Variants in PCNX1 observed in about 807,000 individuals in gnomAD.
PCNX1 encodes the protein pecanex 1.
A neutral mutation model predicts 242.2 loss-of-function variants in PCNX1; 78 were observed. That is an observed-to-expected ratio of 0.32 (90% CI 0.27 to 0.39). The LOEUF (loss-of-function observed/expected upper bound fraction) is 0.39. PCNX1 is among the 10% of genes least tolerant of loss of function. The probability of loss-of-function intolerance (pLI) is 1.00; values close to 1 mark genes in which losing one functional copy is unlikely to be tolerated. For missense variants in PCNX1, 2,581 were observed against 2,856.5 expected (o/e 0.90, Z 2.20); for synonymous variants, 1,024 against 1,032.9 (o/e 0.99, Z 0.17).
At chr14:70,920,931 A>G (rs2810071) in intron 1 of PCNX1, among the ~76,000 whole-genome samples, 94,106 of 151,922 alleles carry the variant, frequency 0.62, 29,431 homozygotes, top group South Asian at 0.71. Context: ...TTGTGCTGGA[A>G]TAGTGTTTCC....
intron 12 of PCNX1, among the ~76,000 whole-genome samples, chr14:71,021,245 C>T (rs972342855): frequency 2.6e-5 from 4 of 152,068 alleles, no homozygotes; most frequent in African/African-American, 4.8e-5. Context: ...GCTATGTGGG[C>T]TCTTTTTTGG....
intron 30 of PCNX1, among the ~76,000 whole-genome samples, chr14:71,094,802 C>T (rs1309296225): frequency 6.6e-6 from 1 of 152,160 alleles, no homozygotes; most frequent in African/African-American, 2.4e-5. Flanking sequence ...CAAGGTATCG[C>T]ATGCCTTTAG....
intron 28 of PCNX1, among the ~76,000 whole-genome samples, chr14:71,083,333 G>A (rs1465167025): frequency 1.3e-5 from 2 of 151,982 alleles, no homozygotes; most frequent in Non-Finnish European, 2.9e-5. Context: ...ATGTGTCTTG[G>A]GGTTGCTCTT....
At chr14:71,084,478 C>G (rs1268274320) in intron 28 of PCNX1, among the ~76,000 whole-genome samples, 1 of 152,156 alleles carries the variant, frequency 6.6e-6, no homozygotes, top group Non-Finnish European at 1.5e-5. Context: ...GTGCTCTGTC[C>G]CAGGGAGATG....
intron 28 of PCNX1, among the ~76,000 whole-genome samples, chr14:71,086,047 C>G (rs952672833): frequency 6.6e-6 from 1 of 152,094 alleles, no homozygotes; most frequent in Non-Finnish European, 1.5e-5. Context: ...CATAGTTTCT[C>G]TTGCTAAGTT....
At chr14:70,938,390 C>T (rs1320496986) in intron 1 of PCNX1, among the ~76,000 whole-genome samples, 1 of 151,598 alleles carries the variant, frequency 6.6e-6, no homozygotes, top group Non-Finnish European at 1.5e-5. Flanking sequence ...TTGAGATAAT[C>T]GTGGTTTTTG....
At chr14:70,913,286 TGGAGGTGGA>T (rs2056005201) in intron 1 of PCNX1, among the ~76,000 whole-genome samples, 1 of 152,196 alleles carries the variant, frequency 6.6e-6, no homozygotes, top group African/African-American at 2.4e-5. Context: ...GTAGAATAGT[TGGAGGTGGA>T]GGGAGGATTG....
chr14:71,021,204 A>C (rs1229676944), intron 12 of PCNX1, among the ~76,000 whole-genome samples: 1 of 152,112 alleles, frequency 6.6e-6, no homozygotes, highest in African/African-American at 2.4e-5. Context: ...TGATGCCTCC[A>C]GCTTTATTTT....
chr14:70,924,975 A>G (rs1433622596), intron 1 of PCNX1, among the ~76,000 whole-genome samples: 2 of 149,736 alleles, frequency 1.3e-5, no homozygotes, highest in African/African-American at 4.9e-5. Flanking sequence ...AACAGTTTTC[A>G]CATCTGGTTT....
At chr14:71,018,863 T>C in intron 11 of PCNX1, 146 bp from the exon 12 acceptor site, 2 of 554,286 alleles carry the variant, frequency 3.6e-6, no homozygotes, top group Non-Finnish European at 6.1e-6. Context: ...GTTTTCAGTA[T>C]GATCTAAAAC....
At chr14:70,972,420 A>G (rs1431550203) in intron 5 of PCNX1, among the ~76,000 whole-genome samples, 2 of 152,218 alleles carry the variant, frequency 1.3e-5, no homozygotes. Flanking sequence ...AAAAACAACA[A>G]CAAAAATCAG....
At chr14:70,979,557 G>A (rs1405564173) in intron 6 of PCNX1, among the ~76,000 whole-genome samples, 3 of 151,890 alleles carry the variant, frequency 2.0e-5, no homozygotes, top group Admixed American at 2.0e-4. Flanking sequence ...AGCATTTTTA[G>A]CCTCTACCCC....
intron 1 of PCNX1, among the ~76,000 whole-genome samples, chr14:70,911,584 A>T (rs2055910932): frequency 6.6e-6 from 1 of 151,992 alleles, no homozygotes; most frequent in Non-Finnish European, 1.5e-5. Context: ...GGTGAGTGGC[A>T]TTTTTGTATG....
intron 30 of PCNX1, among the ~76,000 whole-genome samples, chr14:71,100,805 T>C (rs1006071428): frequency 1.3e-5 from 2 of 152,192 alleles, no homozygotes; most frequent in Non-Finnish European, 2.9e-5. Context: ...CTTTTTTCTT[T>C]ATTTTGTCTG....
In PCNX1 at chr14:71,105,260, T is replaced by G; in HGVS notation, c.6121T>G (p.Cys2041Gly). ...HRLRKGCGAGCNSGGNIEDSD... is the reference protein window; with the variant it reads ...HRLRKGCGAGGNSGGNIEDSD... ...GCTTAGGAAAGGTTGCGGAGCTGGA[T>G]GTAACAGTGGTGGCAATATTGAAGA... Residue 2041 changes from cysteine (C) to glycine (G), a missense_variant, in exon 33 of 36, where the codon TGT becomes GGT. By Grantham distance (159) the Cys-to-Gly change is radical. Around this residue, in one of 9 missense-constraint regions of PCNX1, gnomAD observed 432 missense variants for 433.6 expected, o/e 1.00. Coordinates refer to ENST00000304743, the MANE Select transcript of PCNX1 (RefSeq NM_014982.3). 1 of 1,614,044 alleles carries G rather than the reference T, an allele frequency of 6.2e-7. No individual in the cohort carries two copies. The highest frequency in any genetic ancestry group is 8.5e-7 in the Non-Finnish European group (1 of 1,179,906).
At chr14:71,068,414 A>G (rs2061502154) in intron 26 of PCNX1, among the ~76,000 whole-genome samples, 1 of 149,234 alleles carries the variant, frequency 6.7e-6, no homozygotes, top group Non-Finnish European at 1.5e-5. Flanking sequence ...ATATATATGT[A>G]TTTATATGTA....
intron 6 of PCNX1, among the ~76,000 whole-genome samples, chr14:70,987,213 A>G (rs8015329): frequency 6.8e-4 from 104 of 152,338 alleles, no homozygotes; most frequent in Middle Eastern, 3.4e-3. Context: ...AGGCAACCTT[A>G]TCTTTCTAGA....
At chr14:71,011,634 T>C (rs2059823669) in intron 10 of PCNX1, 85 bp downstream of exon 10, 5 of 831,268 alleles carry the variant, frequency 6.0e-6, no homozygotes, top group East Asian at 2.6e-5. Flanking sequence ...ATAAAAGCCA[T>C]AAAAATTGAT....
At chr14:71,081,268 T>G (rs2061847834) in intron 28 of PCNX1, among the ~76,000 whole-genome samples, 1 of 152,244 alleles carries the variant, frequency 6.6e-6, no homozygotes, top group Admixed American at 6.5e-5. Context: ...GGATTCTGTC[T>G]GCCAGTATCT....
Sources: allele counts gnomAD v4.1 joint callset (sites outside exome capture counted in the v4.1 genomes callset), GRCh38; gene constraint gnomAD v4.1.1; regional missense constraint gnomAD v4.1.1; transcripts MANE v1.5; gene names NCBI Gene and HGNC (gene_info 2026-07-23, HGNC 2026-07-21).